The following NUP210 variants were observed in gnomAD, a reference collection of about 807,000 sequenced individuals.
NUP210 encodes nucleoporin 210.
In NUP210, 151 loss-of-function variants were observed where a neutral mutation model predicts 196.0. The observed-to-expected ratio is 0.77, with a 90% CI of 0.67 to 0.88. The LOEUF (loss-of-function observed/expected upper bound fraction) is 0.88, where lower values mean the gene tolerates loss of function less well. Ranked by LOEUF, NUP210 falls within the 40% of genes least tolerant of loss-of-function variation. The pLI, the probability that NUP210 is intolerant of heterozygous loss-of-function variation, is 0.00. For missense variants in NUP210, 2,314 were observed against 2,493.7 expected (o/e 0.93, Z 1.53); for synonymous variants, 1,070 against 1,052.7 (o/e 1.02, Z -0.32).
At chr3:13,358,128 G>T in intron 16 of NUP210, 94 bp downstream of exon 16, 1 of 1,138,732 alleles carries the variant, frequency 8.8e-7, no homozygotes, top group Non-Finnish European at 1.3e-6. Flanking sequence ...AGCTATGTCC[G>T]TTGCAATGCT....
chr3:13,414,279 G>A (rs752278246), intron 1 of NUP210, among the ~76,000 whole-genome samples: 7 of 152,260 alleles, frequency 4.6e-5, no homozygotes, highest in South Asian at 2.1e-4. Context: ...AAGCCACCTC[G>A]TGGGGCTGAC....
intron 1 of NUP210, among the ~76,000 whole-genome samples, chr3:13,417,082 T>G (rs1450907889): frequency 6.6e-6 from 1 of 152,188 alleles, no homozygotes; most frequent in African/African-American, 2.4e-5. Context: ...GCTGGCTGGG[T>G]GCAGTTGGAG....
intron 11 of NUP210, 100 bp from the exon 12 acceptor site, chr3:13,373,973 C>T: frequency 3.7e-6 from 5 of 1,334,738 alleles, no homozygotes; most frequent in East Asian, 2.5e-5. Flanking sequence ...CGTACTCACA[C>T]TCATACACAT....
At chr3:13,329,739 G>A (rs1377807168) in intron 30 of NUP210, among the ~76,000 whole-genome samples, 1 of 152,216 alleles carries the variant, frequency 6.6e-6, no homozygotes. Context: ...AAGTGGTGAT[G>A]ATGAGACATG....
intron 13 of NUP210, among the ~76,000 whole-genome samples, chr3:13,367,121 T>C (rs966280804): frequency 6.7e-6 from 1 of 148,722 alleles, no homozygotes; most frequent in African/African-American, 2.5e-5. Flanking sequence ...AGTGAAACTC[T>C]GTCTCAAAAG....
At position 13,379,951 on chromosome 3, in the gene NUP210, C is replaced by T. The variant is rs1445334737; in HGVS notation, c.818-230G>A. Among the ~76,000 whole-genome samples, 3 of 92,774 alleles carry T rather than the reference C, an allele frequency of 3.2e-5. No homozygotes were observed. The highest frequency in any genetic ancestry group is 1.8e-4 in the Admixed American group (2 of 11,284). 60.9% of individuals were successfully genotyped at this position (92,774 alleles called of 152,430 possible). On this transcript the variant is annotated intron_variant, in intron 6 of 39. Coordinates refer to ENST00000254508, the MANE Select transcript of NUP210 (RefSeq NM_024923.4). The surrounding 1 kb of genome is among the most constrained non-coding windows in gnomAD (Gnocchi z 4.2). ...GAGGCAATCAGTTTTTCTGTGTAAG[C>T]TGTTTAAAAAAAAAATTAACCACAA... is the stretch of plus-strand genomic sequence containing the variant.
In NUP210 at chr3:13,383,516, C is replaced by CTTTTTTTTT. The variant is rs3032854; in HGVS notation, c.817+2750_817+2758dup. 1.7e-4 allele frequency among the ~76,000 whole-genome samples: 12 copies of CTTTTTTTTT among 70,940 alleles called. 1 individual carries two copies. The highest frequency in any genetic ancestry group is 2.3e-4 in the Non-Finnish European group (9 of 39,840). The allele number at this position is 70,940 out of a possible 152,430, so 46.5% of individuals were successfully genotyped here. On this transcript the variant is annotated intron_variant, in intron 6 of 39. Transcript: ENST00000254508. Reference sequence around the variant, plus strand: ...TACCTGAGCTAATTTAGAGTGAGCTCTTTTTTTTTTTTTTTTTTTTTTTTG... The same window carrying CTTTTTTTTT: ...TACCTGAGCTAATTTAGAGTGAGCTCTTTTTTTTTTTTTTTTTTTTTTTTTTTTTTTTTG...
intron 16 of NUP210, among the ~76,000 whole-genome samples, chr3:13,357,458 C>T (rs1468741540): frequency 1.3e-5 from 2 of 152,196 alleles, no homozygotes; most frequent in Non-Finnish European, 2.9e-5. Flanking sequence ...CTTGCCTGTC[C>T]TGATTAGTGT....
In NUP210 at chr3:13,379,349, C is replaced by A. The variant is rs1240070637; in HGVS notation, c.976+214G>T. ...GACGAGGAACGACACTCAGCTCCTG[C>A]CATCACCTCCCACCGCTGGGAGCCT... On this transcript the variant is annotated intron_variant, in intron 7 of 39. Transcript: ENST00000254508. The surrounding 1 kb of genome is among the most constrained non-coding windows in gnomAD (Gnocchi z 4.2). Among the ~76,000 whole-genome samples the A allele has an allele frequency of 1.3e-5, 2 of 152,140 alleles. No homozygotes were observed. The highest frequency in any genetic ancestry group is 2.9e-5 in the Non-Finnish European group (2 of 68,026).
At chr3:13,359,850 CA>C (rs908363190) in intron 15 of NUP210, among the ~76,000 whole-genome samples, 6 of 151,630 alleles carry the variant, frequency 4.0e-5, no homozygotes, top group African/African-American at 1.4e-4. Flanking sequence ...ATTACCTATA[CA>C]AAAAAAAATA....
In NUP210 at chr3:13,319,895, C is replaced by T. The variant is rs192940958; in HGVS notation, c.5251G>A (p.Val1751Ile). ...WPSFITYTVG[V>I]LDPAAGSQGP... ...TGGCTGCCAGCCGCGGGGTCCAAGA[C>T]GCCGACCGTGTATGTGATGAAGCTG... Residue 1751 changes from valine to isoleucine, a missense_variant, in exon 37 of 40, where the codon GTC becomes ATC. Val to Ile is a conservative substitution (Grantham distance 29, BLOSUM62 3). Transcript: ENST00000254508. The T allele has an allele frequency of 3.4e-4, 549 of 1,614,150 alleles. No homozygotes were observed. Among genetic ancestry groups the T allele is most frequent in the Non-Finnish European group, 4.2e-4 (495 of 1,180,016 alleles).
chr3:13,347,196 A>G lies in NUP210; in HGVS notation c.2836-3893T>C, dbSNP rs1697773313. 1.2e-5 allele frequency: 12 copies of G among 985,386 alleles called. No homozygotes were observed. In the South Asian group the frequency reaches 4.7e-4, roughly 39 times the overall value. 61.0% of individuals were successfully genotyped at this position (985,386 alleles called of 1,614,324 possible). On this transcript the variant is annotated intron_variant, in intron 20 of 39. Coordinates refer to ENST00000254508, the MANE Select transcript of NUP210 (RefSeq NM_024923.4). The surrounding 1 kb of genome is among the most constrained non-coding windows in gnomAD (Gnocchi z 4.7). The stretch of plus-strand genomic sequence containing the variant: ...AGATGGAGAGACACAGCTGCGGCTC[A>G]CAGGAGCTGGGCCCCCCGGCTTCAT...
In NUP210 at chr3:13,340,154, C is replaced by T. The variant is rs144794804; in HGVS notation, c.3291+82G>A. 6 of 1,606,228 alleles carry T rather than the reference C, an allele frequency of 3.7e-6. No homozygotes were observed. The African/African-American group carries it at 4.0e-5, about 11-fold the overall frequency. On this transcript the variant is annotated intron_variant, in intron 24 of 39. Transcript: ENST00000254508. The surrounding 1 kb of genome is among the most constrained non-coding windows in gnomAD (Gnocchi z 4.0). ...CTGCCTTCTTCTCCCAGTCACTGCACGCAGGGCCAGAGGCGGCGTGCCTGG... is the reference window on the plus strand; with the variant it reads ...CTGCCTTCTTCTCCCAGTCACTGCATGCAGGGCCAGAGGCGGCGTGCCTGG...
At chr3:13,375,264 C>A (rs764349920) in intron 11 of NUP210, among the ~76,000 whole-genome samples, 1 of 151,488 alleles carries the variant, frequency 6.6e-6, no homozygotes, top group Admixed American at 6.6e-5. Flanking sequence ...GCTGGGACTG[C>A]AGGTGTTAGC....
At chr3:13,399,007 G>A (rs1000413080) in intron 2 of NUP210, among the ~76,000 whole-genome samples, 4 of 152,160 alleles carry the variant, frequency 2.6e-5, no homozygotes, top group African/African-American at 7.2e-5. Flanking sequence ...GGTAGCTCCC[G>A]CCTGTAATCC....
At chr3:13,322,075 G>A in intron 35 of NUP210, 118 bp downstream of exon 35, 2 of 1,325,462 alleles carry the variant, frequency 1.5e-6, no homozygotes, top group Non-Finnish European at 1.1e-6. Context: ...CTGGGCTCCT[G>A]ACAATCTCTG....
chr3:13,360,258 C>A lies in NUP210; in HGVS notation c.2154+12G>T. 1 of 1,602,094 alleles carries A rather than the reference C, an allele frequency of 6.2e-7. No homozygotes were observed. On this transcript the variant is annotated intron_variant, in intron 15 of 39. Coordinates refer to ENST00000254508, the MANE Select transcript of NUP210 (RefSeq NM_024923.4). ...TTAGGGCAAGGAGGGTCTGGAGCAG[C>A]TGCCCACTCACCTGCTCACCCAAGG...
In NUP210 at chr3:13,317,233, A is replaced by C. The variant is rs919146438; in HGVS notation, c.*448T>G. Reference sequence around the variant, plus strand: ...GGCAAAGTAAGTTTTCACAGGGGGAAAAACCCCACCAAAAACCCCCTAAAG... The same window carrying C: ...GGCAAAGTAAGTTTTCACAGGGGGACAAACCCCACCAAAAACCCCCTAAAG... On this transcript the variant is annotated 3_prime_UTR_variant, in exon 40 of 40. Transcript: ENST00000254508. The C allele has an allele frequency of 5.6e-6, 1 of 177,686 alleles. No homozygotes were observed. Among genetic ancestry groups the C allele is most frequent in the Non-Finnish European group, 1.2e-5 (1 of 83,308 alleles). 11.0% of individuals were successfully genotyped at this position (177,686 alleles called of 1,614,324 possible).
At chr3:13,374,307 C>G (rs754015173) in intron 11 of NUP210, among the ~76,000 whole-genome samples, 1 of 152,230 alleles carries the variant, frequency 6.6e-6, no homozygotes, top group African/African-American at 2.4e-5. Flanking sequence ...CCTACTCCCA[C>G]CAGCTTATCC....
Sources: allele counts gnomAD v4.1 joint callset (sites outside exome capture counted in the v4.1 genomes callset), GRCh38; gene constraint gnomAD v4.1.1; non-coding constraint Gnocchi (gnomAD v3.1); transcripts MANE v1.5; gene names NCBI Gene and HGNC (gene_info 2026-07-23, HGNC 2026-07-21).